The following PTPRM variants were observed in gnomAD, a reference collection of about 807,000 sequenced individuals.
The protein encoded by PTPRM is receptor-type tyrosine-protein phosphatase mu.
In PTPRM, 47 loss-of-function variants were observed where a neutral mutation model predicts 186.7. The ratio of observed to expected loss-of-function variants is 0.25; its 90% CI spans 0.20 to 0.32. The LOEUF (loss-of-function observed/expected upper bound fraction) is 0.32, where lower values mean the gene tolerates loss of function less well. Among genes scored for constraint, PTPRM ranks in the 10% least tolerant of loss-of-function variants. The pLI, the probability that PTPRM is intolerant of heterozygous loss-of-function variation, is 1.00. For missense variants in PTPRM, 1,494 were observed against 1,865.0 expected, an observed-to-expected ratio of 0.80 and a Z score of 3.66; for synonymous variants, 668 against 674.9, an observed-to-expected ratio of 0.99 and a Z score of 0.16.
intron 14 of PTPRM, among the ~76,000 whole-genome samples, chr18:8,182,046 A>G (rs907156470): frequency 1.3e-5 from 2 of 151,874 alleles, no homozygotes; most frequent in Non-Finnish European, 2.9e-5. Flanking sequence ...TAATTTAACT[A>G]TTTTTTTCCT....
At chr18:7,643,298 T>G (rs1598606136) in intron 1 of PTPRM, among the ~76,000 whole-genome samples, 1 of 152,236 alleles carries the variant, frequency 6.6e-6, no homozygotes, top group East Asian at 1.9e-4. Flanking sequence ...AAACCTATGT[T>G]TCTTAAGGCC....
chr18:7,930,667 T>A (rs16952669), intron 5 of PTPRM, among the ~76,000 whole-genome samples: 4,296 of 152,318 alleles, frequency 0.028, 206 homozygotes, highest in African/African-American at 0.099. Context: ...AATTTGGGTG[T>A]GACCAATATT....
intron 2 of PTPRM, among the ~76,000 whole-genome samples, chr18:7,801,045 T>C (rs1321994512): frequency 6.6e-6 from 1 of 152,162 alleles, no homozygotes; most frequent in Non-Finnish European, 1.5e-5. Flanking sequence ...TGGGAAGGTC[T>C]AGGACATTAC....
chr18:7,741,096 C>T (rs1388404605), intron 1 of PTPRM, among the ~76,000 whole-genome samples: 2 of 152,112 alleles, frequency 1.3e-5, no homozygotes, highest in African/African-American at 2.4e-5. Flanking sequence ...GCTCTGTGTA[C>T]TGGAGCAAGT....
chr18:7,996,183 T>TA (rs33950984), intron 7 of PTPRM, among the ~76,000 whole-genome samples: 205 of 148,006 alleles, frequency 1.4e-3, no homozygotes, highest in African/African-American at 3.6e-3. Flanking sequence ...CTTTCTTTCT[T>TA]AAAAAAAAAA....
At chr18:7,940,712 C>G (rs1157731675) in intron 5 of PTPRM, among the ~76,000 whole-genome samples, 2 of 149,990 alleles carry the variant, frequency 1.3e-5, no homozygotes, top group African/African-American at 2.5e-5. Flanking sequence ...GTACCTTAGC[C>G]TGTACTCCAA....
chr18:7,838,344 C>T (rs1376025320), intron 2 of PTPRM, among the ~76,000 whole-genome samples: 2 of 152,184 alleles, frequency 1.3e-5, no homozygotes, highest in Non-Finnish European at 2.9e-5. Flanking sequence ...AGGACCCTCC[C>T]ACGACATGTG....
intron 29 of PTPRM, among the ~76,000 whole-genome samples, chr18:8,382,569 GA>G (rs2095743841): frequency 6.6e-6 from 1 of 152,112 alleles, no homozygotes; most frequent in Non-Finnish European, 1.5e-5. Context: ...GGTGAGGAAG[GA>G]AATATTTCAC....
chr18:7,914,312 G>A (rs1273697422), intron 4 of PTPRM, among the ~76,000 whole-genome samples: 1 of 152,006 alleles, frequency 6.6e-6, no homozygotes, highest in African/African-American at 2.4e-5. Flanking sequence ...ATATGTAGTG[G>A]CTACCTTAGT....
intron 1 of PTPRM, among the ~76,000 whole-genome samples, chr18:7,715,930 T>C (rs569776025): frequency 1.3e-5 from 2 of 152,296 alleles, no homozygotes; most frequent in South Asian, 4.1e-4. Context: ...AAAATGGCCA[T>C]ACTGCCCAAA....
intron 7 of PTPRM, among the ~76,000 whole-genome samples, chr18:8,026,857 C>CAA (rs912911483): frequency 1.5e-5 from 2 of 137,386 alleles, no homozygotes; most frequent in African/African-American, 5.4e-5. Flanking sequence ...AACTCCATCT[C>CAA]AAAAAAAAAA....
At position 7,850,105 on chromosome 18, in the gene PTPRM, C is replaced by T. The variant is rs576992995; in HGVS notation, c.197-38001C>T. On this transcript the variant is annotated intron_variant, in intron 2 of 32. Transcript: ENST00000580170. ...CAGCCAAGATTTGAACTTAGGTGAT[C>T]TTCAGATGTGGGTGATTCATGTACC... Among the ~76,000 whole-genome samples the T allele has an allele frequency of 5.9e-5, 9 of 152,266 alleles. No individual in the cohort carries two copies. In the South Asian group the frequency reaches 1.9e-3, roughly 32 times the overall value.
intron 2 of PTPRM, among the ~76,000 whole-genome samples, chr18:7,876,957 G>A (rs1273640029): frequency 6.6e-6 from 1 of 152,048 alleles, no homozygotes; most frequent in East Asian, 1.9e-4. Flanking sequence ...CTATGCCTGA[G>A]TTCTGTCCTT....
chr18:8,046,388 C>G (rs1280888597), intron 7 of PTPRM, among the ~76,000 whole-genome samples: 1 of 152,166 alleles, frequency 6.6e-6, no homozygotes, highest in Non-Finnish European at 1.5e-5. Context: ...AAAGAGAAGA[C>G]AGTTATTTAT....
chr18:8,195,890 A>T (rs976935994), intron 14 of PTPRM, among the ~76,000 whole-genome samples: 2 of 152,234 alleles, frequency 1.3e-5, no homozygotes, highest in Admixed American at 1.3e-4. Flanking sequence ...ATGTTATACA[A>T]ATAAAAAATA....
intron 22 of PTPRM, among the ~76,000 whole-genome samples, chr18:8,332,238 A>G (rs1295929809): frequency 6.6e-6 from 1 of 152,236 alleles, no homozygotes; most frequent in Non-Finnish European, 1.5e-5. Context: ...AAAAGAAAAG[A>G]TTATTAACCA....
chr18:7,839,719 C>A (rs2145820306), intron 2 of PTPRM, among the ~76,000 whole-genome samples: 1 of 152,270 alleles, frequency 6.6e-6, no homozygotes, highest in East Asian at 1.9e-4. Context: ...GGGTTACATG[C>A]CACCAAGTCC....
At chr18:7,889,334 T>TTTCC (rs201252209) in intron 3 of PTPRM, among the ~76,000 whole-genome samples, 25 of 105,782 alleles carry the variant, frequency 2.4e-4, no homozygotes, top group Admixed American at 4.5e-4. Flanking sequence ...CTTTTCTTTC[T>TTTCC]TTTTTTTTTT....
At chr18:7,959,433 C>T (rs1490742864) in intron 7 of PTPRM, among the ~76,000 whole-genome samples, 1 of 152,134 alleles carries the variant, frequency 6.6e-6, no homozygotes, top group Non-Finnish European at 1.5e-5. Context: ...GACACCTGTC[C>T]TATCATTTTT....
Sources: allele counts gnomAD v4.1 joint callset (sites outside exome capture counted in the v4.1 genomes callset), GRCh38; gene constraint gnomAD v4.1.1; transcripts MANE v1.5; gene names NCBI Gene and HGNC (gene_info 2026-07-23, HGNC 2026-07-21).